Variants in LSM14A observed in about 807,000 individuals in gnomAD.
The protein encoded by LSM14A is protein LSM14 homolog A.
LSM14A carries 14 observed loss-of-function variants against 52.4 expected under a neutral mutation model. The ratio of observed to expected loss-of-function variants is 0.27; its 90% confidence interval spans 0.18 to 0.42. LSM14A has a LOEUF of 0.42. Among genes scored for constraint, LSM14A ranks in the 10% least tolerant of loss-of-function variants. The pLI is 1.00. For synonymous variants in LSM14A, 185 were observed against 200.3 expected, an observed-to-expected ratio of 0.92 and a Z score of 0.64; for missense variants, 417 against 581.8, an observed-to-expected ratio of 0.72 and a Z score of 2.91.
intron 3 of LSM14A, among the ~76,000 whole-genome samples, chr19:34,202,636 C>T (rs1324380560): frequency 2.0e-5 from 3 of 152,146 alleles, no homozygotes; most frequent in East Asian, 1.9e-4. Context: ...AGAATATATA[C>T]TCTCATACAT....
chr19:34,218,528 C>A (rs902769635), intron 6 of LSM14A, among the ~76,000 whole-genome samples: 1 of 152,188 alleles, frequency 6.6e-6, no homozygotes, highest in African/African-American at 2.4e-5. Flanking sequence ...CACTTCTCAT[C>A]CTTGTCAGTA....
rs1291075682 is a variant in LSM14A, at chr19:34,205,400, C to A, written c.416-3529C>A. Among the ~76,000 whole-genome samples the A allele has an allele frequency of 2.1e-5, 3 of 144,684 alleles. No homozygotes were observed. In the South Asian group the frequency reaches 6.5e-4, roughly 31 times the overall value. 94.9% of individuals were successfully genotyped at this position (144,684 alleles called of 152,430 possible). On this transcript the variant is annotated intron_variant, in intron 3 of 9. Coordinates refer to ENST00000544216, the MANE Select transcript of LSM14A (RefSeq NM_015578.4). Reference sequence around the variant, plus strand: ...ACTCAGGAGGCTGAGGCAGGAGAAACGCTTGAACCCGGGAGGCGGAGGTTG... The same window carrying A: ...ACTCAGGAGGCTGAGGCAGGAGAAAAGCTTGAACCCGGGAGGCGGAGGTTG...
At chr19:34,202,047 C>G (rs918130385) in intron 3 of LSM14A, among the ~76,000 whole-genome samples, 3 of 151,738 alleles carry the variant, frequency 2.0e-5, no homozygotes, top group African/African-American at 4.8e-5. Context: ...ATCTCGAACT[C>G]CTGGGTTCAG....
chr19:34,179,894 A>G (rs570081273), intron 1 of LSM14A, among the ~76,000 whole-genome samples: 16 of 152,302 alleles, frequency 1.1e-4, no homozygotes, highest in African/African-American at 3.6e-4. Context: ...TATATTAATT[A>G]GCTGTTTTAA....
At chr19:34,183,425 C>T (rs1439881385) in intron 1 of LSM14A, among the ~76,000 whole-genome samples, 5 of 152,120 alleles carry the variant, frequency 3.3e-5, no homozygotes, top group African/African-American at 1.2e-4. Context: ...GTGTTGTGCA[C>T]CTGTAATCCC....
At chr19:34,181,868 G>A (rs1257194073) in intron 1 of LSM14A, among the ~76,000 whole-genome samples, 1 of 151,946 alleles carries the variant, frequency 6.6e-6, no homozygotes, top group Non-Finnish European at 1.5e-5. Context: ...TCTACTTGTA[G>A]GGAAGTCTGC....
intron 3 of LSM14A, among the ~76,000 whole-genome samples, chr19:34,205,693 G>T (rs2071646069): frequency 2.0e-5 from 3 of 151,284 alleles, no homozygotes; most frequent in Admixed American, 6.6e-5. Context: ...AAGAAAAGTT[G>T]GTGAGGACGC....
chr19:34,209,280 T>C (rs747855095), intron 4 of LSM14A, among the ~76,000 whole-genome samples: 6 of 152,244 alleles, frequency 3.9e-5, no homozygotes, highest in Non-Finnish European at 8.8e-5. Context: ...CTGAGCATTC[T>C]CTAAGTTGGA....
chr19:34,221,603 C>T lies in LSM14A; in HGVS notation c.1233C>T (p.Gly411=). 1 of 1,614,140 alleles carries T rather than the reference C, an allele frequency of 6.2e-7. No individual in the cohort carries two copies. The highest frequency in any genetic ancestry group is 8.5e-7 in the Non-Finnish European group (1 of 1,180,032). ...ACCGTGGCCGTGGGGGATACAGAGG[C>T]AGAGGAGGTCTTGGTTTCCGTGGTG... is the stretch of plus-strand genomic sequence containing the variant. ...RPNRGRGGYR[G]RGGLGFRGGR... is the part of the protein sequence containing the mutation. The change falls in exon 9 of 10, where the codon GGC becomes GGT. Residue 411 remains glycine (G), a synonymous_variant. Coordinates refer to ENST00000544216, the MANE Select transcript of LSM14A (RefSeq NM_015578.4).
intron 4 of LSM14A, among the ~76,000 whole-genome samples, chr19:34,210,822 T>G (rs761636306): frequency 2.6e-5 from 4 of 151,920 alleles, no homozygotes; most frequent in Non-Finnish European, 5.9e-5. Context: ...TCCACCCACC[T>G]TGGCCTCCCA....
chr19:34,187,071 C>T (rs2069963612), intron 1 of LSM14A, among the ~76,000 whole-genome samples: 1 of 114,642 alleles, frequency 8.7e-6, no homozygotes, highest in African/African-American at 3.1e-5. Context: ...AACCCAGTCT[C>T]TAATTTAAAA....
At chr19:34,183,757 C>A (rs562499598) in intron 1 of LSM14A, among the ~76,000 whole-genome samples, 2 of 152,226 alleles carry the variant, frequency 1.3e-5, no homozygotes, top group Admixed American at 1.3e-4. Context: ...CAGGAGTTGA[C>A]ATCAACAGGC....
intron 3 of LSM14A, among the ~76,000 whole-genome samples, chr19:34,205,298 C>T (rs190709688): frequency 8.6e-4 from 130 of 151,572 alleles, no homozygotes; most frequent in African/African-American, 3.1e-3. Context: ...ACCAGCCTGG[C>T]CAACATGGTG....
intron 1 of LSM14A, among the ~76,000 whole-genome samples, chr19:34,180,484 T>C (rs1003754554): frequency 2.0e-5 from 3 of 152,164 alleles, no homozygotes; most frequent in Non-Finnish European, 4.4e-5. Context: ...TGAGGTGATA[T>C]AAAAGAAGTA....
At chr19:34,226,553 G>A in intron 9 of LSM14A, 1 of 1,110,290 alleles carries the variant, frequency 9.0e-7, no homozygotes, top group Admixed American at 3.0e-5. Context: ...GTCAACTTAT[G>A]CCATACCATA....
At chr19:34,197,431 C>CTTTTTTTTTTTTTTTTTTTT (rs531343486) in intron 3 of LSM14A, among the ~76,000 whole-genome samples, 1 of 63,304 alleles carries the variant, frequency 1.6e-5, no homozygotes, top group African/African-American at 6.5e-5. Context: ...ATTTCTTTTT[C>CTTTTTTTTTTTTTTTTTTTT]TTTTTTTTTT....
At chr19:34,220,983 T>G (rs1301055191) in intron 8 of LSM14A, among the ~76,000 whole-genome samples, 2 of 152,132 alleles carry the variant, frequency 1.3e-5, no homozygotes, top group Non-Finnish European at 2.9e-5. Flanking sequence ...TGCAAGAAAC[T>G]AATGTCAGTC....
chr19:34,219,268 A>G (rs2072894597), intron 6 of LSM14A, 123 bp from the exon 7 acceptor site: 10 of 535,714 alleles, frequency 1.9e-5, no homozygotes, highest in Non-Finnish European at 3.0e-5. Context: ...AATAAAATAT[A>G]TAGAGAGACC....
intron 1 of LSM14A, among the ~76,000 whole-genome samples, chr19:34,173,177 T>C (rs1217639772): frequency 6.6e-5 from 10 of 152,216 alleles, no homozygotes; most frequent in Non-Finnish European, 1.3e-4. Context: ...GCACCCATTT[T>C]CTCACTTTGT....
Sources: gnomAD v4.1 joint callset for allele counts (sites outside exome capture counted in the v4.1 genomes callset) on GRCh38, gnomAD v4.1.1 for gene constraint, MANE v1.5 for transcripts, NCBI Gene and HGNC (gene_info 2026-07-23, HGNC 2026-07-21) for gene names.